Variants in EPHA6 observed in about 807,000 individuals in gnomAD.
EPHA6 encodes the protein ephrin type-A receptor 6.
EPHA6 carries 50 observed loss-of-function variants against 112.0 expected under a neutral mutation model. The observed-to-expected ratio is 0.45, with a 90% CI of 0.36 to 0.56. EPHA6 has a LOEUF of 0.56. Ranked by LOEUF, EPHA6 falls within the 20% of genes least tolerant of loss-of-function variation. The pLI, the probability that EPHA6 is intolerant of heterozygous loss-of-function variation, is 0.00. For synonymous variants in EPHA6, 529 were observed against 490.7 expected, an observed-to-expected ratio of 1.08 and a Z score of -1.03; for missense variants, 1,280 against 1,417.4, an observed-to-expected ratio of 0.90 and a Z score of 1.56.
At chr3:97,209,555 G>C (rs2077808733) in intron 3 of EPHA6, among the ~76,000 whole-genome samples, 1 of 152,108 alleles carries the variant, frequency 6.6e-6, no homozygotes, top group Non-Finnish European at 1.5e-5. Context: ...TGAAAATTGT[G>C]ATTATTGTAT....
intron 14 of EPHA6, among the ~76,000 whole-genome samples, chr3:97,664,510 A>G (rs1479081270): frequency 6.6e-6 from 1 of 152,178 alleles, no homozygotes; most frequent in Non-Finnish European, 1.5e-5. Context: ...GTATTCAATT[A>G]GGAAAAGAGG....
At chr3:97,053,290 A>G (rs1576398223) in intron 3 of EPHA6, among the ~76,000 whole-genome samples, 1 of 152,106 alleles carries the variant, frequency 6.6e-6, no homozygotes, top group Non-Finnish European at 1.5e-5. Flanking sequence ...GAGTACTCAC[A>G]GGGTTAGTCT....
chr3:96,977,785 A>G (rs1471609906), intron 2 of EPHA6, among the ~76,000 whole-genome samples: 2 of 152,200 alleles, frequency 1.3e-5, no homozygotes, highest in Admixed American at 1.3e-4. Flanking sequence ...TAACATAAAC[A>G]GTTGATTAAC....
At chr3:97,551,475 T>C (rs1221117756) in intron 11 of EPHA6, among the ~76,000 whole-genome samples, 1 of 152,202 alleles carries the variant, frequency 6.6e-6, no homozygotes, top group Non-Finnish European at 1.5e-5. Context: ...TTTTTTCTCC[T>C]TTCATTTACA....
intron 3 of EPHA6, among the ~76,000 whole-genome samples, chr3:97,214,802 G>C (rs1310763234): frequency 6.6e-6 from 1 of 152,164 alleles, no homozygotes; most frequent in East Asian, 1.9e-4. Context: ...AGGTTATTCA[G>C]AAGAAACAAC....
At position 97,124,670 on chromosome 3, in the gene EPHA6, T is replaced by C. The variant is rs141681758; in HGVS notation, c.1115-101594T>C. ...TTATTTTGAGGAGAGGCCACCACTC[T>C]TCCTTGTGTCTATCCCATCCCAACC... is the stretch of plus-strand genomic sequence containing the variant. On this transcript the variant is annotated intron_variant, in intron 3 of 17. Transcript: ENST00000389672. 3.0e-3 allele frequency among the ~76,000 whole-genome samples: 450 copies of C among 152,246 alleles called. 1 individual carries two copies. The highest frequency in any genetic ancestry group is 0.01 in the African/African-American group (432 of 41,550).
intron 5 of EPHA6, among the ~76,000 whole-genome samples, chr3:97,290,143 G>A (rs1416812389): frequency 6.6e-6 from 1 of 151,930 alleles, no homozygotes; most frequent in Non-Finnish European, 1.5e-5. Flanking sequence ...AGAGATTTTG[G>A]TATGATGGGT....
At chr3:97,089,771 A>T (rs2047006775) in intron 3 of EPHA6, among the ~76,000 whole-genome samples, 1 of 151,926 alleles carries the variant, frequency 6.6e-6, no homozygotes, top group Non-Finnish European at 1.5e-5. Flanking sequence ...GTAGGAAGTG[A>T]CTTCCCTAGA....
intron 1 of EPHA6, among the ~76,000 whole-genome samples, chr3:96,850,424 C>T (rs1327636535): frequency 6.6e-6 from 1 of 152,114 alleles, no homozygotes; most frequent in African/African-American, 2.4e-5. Context: ...AGAAAGGGTA[C>T]TGTCTCAAAT....
rs376325968 is a variant in EPHA6, at chr3:97,475,429, A to G, written c.1972A>G (p.Ile658Val). The G allele has an allele frequency of 1.9e-6, 3 of 1,612,000 alleles. No individual in the cohort carries two copies. The highest frequency in any genetic ancestry group is 2.5e-6 in the Non-Finnish European group (3 of 1,178,846). The change falls in exon 8 of 18, where the codon ATC becomes GTC. Residue 658 changes from isoleucine (I) to valine (V), a missense_variant. Coordinates refer to ENST00000389672, the MANE Select transcript of EPHA6 (RefSeq NM_001080448.3). ...TGTTGGCGGATTCACTCTCCTCGTCATCCTCACTTTATTCTTCTTGATCAC... is the reference window on the plus strand; with the variant it reads ...TGTTGGCGGATTCACTCTCCTCGTCGTCCTCACTTTATTCTTCTTGATCAC... Reference protein sequence around the residue: ...AAVGGFTLLVILTLFFLITGR... With the variant: ...AAVGGFTLLVVLTLFFLITGR...
intron 3 of EPHA6, among the ~76,000 whole-genome samples, chr3:97,154,101 G>A (rs1314787762): frequency 6.6e-6 from 1 of 151,444 alleles, no homozygotes; most frequent in African/African-American, 2.4e-5. Flanking sequence ...GTAGATGGAG[G>A]TTGCAGCGAG....
At chr3:97,356,739 T>C (rs2084097444) in intron 5 of EPHA6, among the ~76,000 whole-genome samples, 2 of 152,174 alleles carry the variant, frequency 1.3e-5, no homozygotes, top group African/African-American at 2.4e-5. Context: ...CACTGGAAAA[T>C]GTCCCAGCTG....
intron 6 of EPHA6, among the ~76,000 whole-genome samples, chr3:97,415,114 C>A (rs763319839): frequency 3.3e-5 from 5 of 151,772 alleles, no homozygotes; most frequent in Non-Finnish European, 7.4e-5. Context: ...GATTCTCATA[C>A]AATGAAGCAA....
At position 97,610,853 on chromosome 3, in the gene EPHA6, G is replaced by A. The variant is rs776617495; in HGVS notation, c.2573G>A (p.Arg858Gln). 3.0e-5 allele frequency: 48 copies of A among 1,608,676 alleles called. No homozygotes were observed. Among genetic ancestry groups the A allele is most frequent in the South Asian group, 5.5e-5 (5 of 90,696 alleles). The change falls in exon 13 of 18, where the codon CGG becomes CAG. Residue 858 changes from arginine to glutamine, a missense_variant and splice_region_variant. This residue lies in a region of EPHA6 where 878 missense variants were observed against 999.7 expected (regional missense o/e 0.88). Transcript: ENST00000389672. ...AATGGATCCCTAGACTCCTTTTTGC[G>A]GGTGAGGTGTTCTTTTCTGATGGCA... Reference protein sequence around the residue: ...MENGSLDSFLRKHDGHFTVIQ... With the variant: ...MENGSLDSFLQKHDGHFTVIQ...
chr3:96,966,633 A>G (rs377024912), intron 2 of EPHA6, among the ~76,000 whole-genome samples: 1 of 152,072 alleles, frequency 6.6e-6, no homozygotes, highest in South Asian at 2.1e-4. Flanking sequence ...TGTATTTATT[A>G]TCACAATTAT....
chr3:97,231,572 T>A (rs758017260), intron 4 of EPHA6, among the ~76,000 whole-genome samples: 1 of 152,142 alleles, frequency 6.6e-6, no homozygotes, highest in Non-Finnish European at 1.5e-5. Context: ...TTATATACCC[T>A]CTTTGTAGGG....
intron 7 of EPHA6, among the ~76,000 whole-genome samples, chr3:97,467,389 A>T (rs1306216944): frequency 6.6e-6 from 1 of 151,876 alleles, no homozygotes; most frequent in Non-Finnish European, 1.5e-5. Flanking sequence ...CCTAATGATT[A>T]TCCATTTCAT....
chr3:97,684,848 C>G (rs558459164), intron 14 of EPHA6, among the ~76,000 whole-genome samples: 1 of 152,252 alleles, frequency 6.6e-6, no homozygotes, highest in South Asian at 2.1e-4. Context: ...CATTACAGAT[C>G]CAGTCAAAAC....
At chr3:97,037,945 T>C (rs138874561) in intron 3 of EPHA6, among the ~76,000 whole-genome samples, 74 of 152,140 alleles carry the variant, frequency 4.9e-4, no homozygotes, top group African/African-American at 1.7e-3. Flanking sequence ...ATTGTGAGCA[T>C]GTTAAATATG....
Sources: allele counts gnomAD v4.1 joint callset (sites outside exome capture counted in the v4.1 genomes callset), GRCh38; gene constraint gnomAD v4.1.1; regional missense constraint gnomAD v4.1.1; transcripts MANE v1.5; gene names NCBI Gene and HGNC (gene_info 2026-07-23, HGNC 2026-07-21).